PLA2G4A: variants seen among roughly 807,000 people sequenced by gnomAD.
PLA2G4A encodes phospholipase A2 group IVA.
PLA2G4A carries 40 observed loss-of-function variants against 81.9 expected under a neutral mutation model. That is an observed-to-expected ratio of 0.49 (90% confidence interval 0.38 to 0.64). The LOEUF (loss-of-function observed/expected upper bound fraction) is 0.64. Ranked by LOEUF, PLA2G4A falls within the 30% of genes least tolerant of loss-of-function variation. PLA2G4A has a pLI of 0.00. For synonymous variants in PLA2G4A, 302 were observed against 296.9 expected (o/e 1.02, Z -0.18); for missense variants, 715 against 905.1 (o/e 0.79, Z 2.69).
intron 7 of PLA2G4A, among the ~76,000 whole-genome samples, chr1:186,920,426 C>T (rs1655306858): frequency 6.6e-6 from 1 of 152,218 alleles, no homozygotes; most frequent in African/African-American, 2.4e-5. Context: ...GGGGTGGTCA[C>T]TACTGAATGT....
At chr1:186,962,648 G>A (rs1313172814) in intron 14 of PLA2G4A, among the ~76,000 whole-genome samples, 3 of 152,196 alleles carry the variant, frequency 2.0e-5, no homozygotes, top group East Asian at 3.9e-4. Context: ...CAGCCTCAGA[G>A]TAGCTGGGAC....
chr1:186,892,652 T>C (rs1210270079), intron 3 of PLA2G4A, among the ~76,000 whole-genome samples: 2 of 152,182 alleles, frequency 1.3e-5, no homozygotes, highest in Non-Finnish European at 2.9e-5. Flanking sequence ...CTTGTCACTA[T>C]CACAGTCCTG....
At chr1:186,921,817 A>G (rs1171066668) in intron 7 of PLA2G4A, among the ~76,000 whole-genome samples, 2 of 151,992 alleles carry the variant, frequency 1.3e-5, no homozygotes, top group Non-Finnish European at 1.5e-5. Context: ...TCCCTTTGCT[A>G]CTAGTACTGC....
chr1:186,938,968 G>A (rs764872489), intron 8 of PLA2G4A, 40 bp from the exon 9 acceptor site: 2 of 1,027,398 alleles, frequency 1.9e-6, no homozygotes, highest in Admixed American at 1.7e-5. Context: ...GTTGTGTAAT[G>A]CTCTTTATCT....
intron 13 of PLA2G4A, 23 bp downstream of exon 13, chr1:186,950,751 T>G (rs1452095636): frequency 7.3e-7 from 1 of 1,370,928 alleles, no homozygotes. Flanking sequence ...GAAACTTTTC[T>G]GGCCCAGATC....
intron 1 of PLA2G4A, among the ~76,000 whole-genome samples, chr1:186,849,227 A>G (rs574717637): frequency 2.6e-5 from 4 of 152,136 alleles, no homozygotes; most frequent in Non-Finnish European, 4.4e-5. Context: ...TGAACCTACT[A>G]TATTTGGGCC....
intron 7 of PLA2G4A, among the ~76,000 whole-genome samples, chr1:186,929,394 C>G (rs2102196221): frequency 6.6e-6 from 1 of 152,320 alleles, no homozygotes; most frequent in African/African-American, 2.4e-5. Context: ...CTTGACACAT[C>G]TAATTTCCCA....
intron 16 of PLA2G4A, among the ~76,000 whole-genome samples, chr1:186,978,275 A>T (rs922764566): frequency 6.6e-6 from 1 of 152,062 alleles, no homozygotes; most frequent in African/African-American, 2.4e-5. Context: ...GTTTTGTTTT[A>T]TTTTTTTAAC....
chr1:186,967,811 G>A (rs1461015595), intron 15 of PLA2G4A, among the ~76,000 whole-genome samples: 1 of 152,048 alleles, frequency 6.6e-6, no homozygotes, highest in Non-Finnish European at 1.5e-5. Context: ...TAAGGAGAGA[G>A]TTTAAGACAG....
At chr1:186,886,364 T>C (rs990978686) in intron 3 of PLA2G4A, among the ~76,000 whole-genome samples, 1 of 152,046 alleles carries the variant, frequency 6.6e-6, no homozygotes, top group African/African-American at 2.4e-5. Flanking sequence ...TAATGCTGGG[T>C]CTATTGGTTA....
intron 1 of PLA2G4A, among the ~76,000 whole-genome samples, chr1:186,830,997 T>G (rs1466503234): frequency 4.2e-5 from 6 of 141,390 alleles, no homozygotes; most frequent in African/African-American, 1.0e-4. Context: ...TTTCTTTCTT[T>G]CTTTCTTTCT....
At chr1:186,888,305 T>C (rs1056020995) in intron 3 of PLA2G4A, among the ~76,000 whole-genome samples, 1 of 152,174 alleles carries the variant, frequency 6.6e-6, no homozygotes, top group Non-Finnish European at 1.5e-5. Flanking sequence ...ATATGACCCA[T>C]TGAGAATCTA....
At chr1:186,973,680 T>C (rs554508819) in intron 15 of PLA2G4A, among the ~76,000 whole-genome samples, 1 of 152,350 alleles carries the variant, frequency 6.6e-6, no homozygotes, top group Admixed American at 6.5e-5. Flanking sequence ...TAAAAAGTGC[T>C]CTGTAAACTC....
At chr1:186,887,503 C>G (rs1274766839) in intron 3 of PLA2G4A, among the ~76,000 whole-genome samples, 1 of 152,074 alleles carries the variant, frequency 6.6e-6, no homozygotes, top group Non-Finnish European at 1.5e-5. Flanking sequence ...GAAAAAAGAT[C>G]TGTATTCCAC....
At position 186,893,360 on chromosome 1, in the gene PLA2G4A, A is replaced by G. The variant is rs528207948; in HGVS notation, c.264+201A>G. Among the ~76,000 whole-genome samples the G allele has an allele frequency of 7.1e-4, 108 of 152,284 alleles. 1 individual carries two copies. Among genetic ancestry groups the G allele is most frequent in the Non-Finnish European group, 2.9e-4 (20 of 68,022 alleles). ...CATACAGGAGTTAGGTAGGGTTGGG[A>G]AAACTGCTGTCCTCCCCACGTGCTT... On this transcript the variant is annotated intron_variant, in intron 4 of 17. Transcript: ENST00000367466.
intron 13 of PLA2G4A, among the ~76,000 whole-genome samples, chr1:186,952,814 C>A (rs1300831891): frequency 6.9e-6 from 1 of 144,806 alleles, no homozygotes; most frequent in Non-Finnish European, 1.5e-5. Context: ...AATAATGTAG[C>A]CTTTTCAGAT....
intron 7 of PLA2G4A, among the ~76,000 whole-genome samples, chr1:186,924,147 G>A (rs916420045): frequency 7.9e-5 from 12 of 152,080 alleles, no homozygotes; most frequent in African/African-American, 2.4e-4. Context: ...TATTGTCAAC[G>A]TCTACCTCCG....
chr1:186,859,125 G>T (rs1284208965), intron 2 of PLA2G4A, among the ~76,000 whole-genome samples: 1 of 152,104 alleles, frequency 6.6e-6, no homozygotes. Context: ...AGCTTTGGTT[G>T]CCTCAAGGCC....
At chr1:186,987,582 T>G (rs1657930430) in intron 17 of PLA2G4A, among the ~76,000 whole-genome samples, 1 of 152,168 alleles carries the variant, frequency 6.6e-6, no homozygotes, top group Admixed American at 6.5e-5. Context: ...GAGACAAGAT[T>G]TACTATTCAG....
Sources: gnomAD v4.1 joint callset for allele counts (sites outside exome capture counted in the v4.1 genomes callset) on GRCh38, gnomAD v4.1.1 for gene constraint, MANE v1.5 for transcripts, NCBI Gene and HGNC (gene_info 2026-07-23, HGNC 2026-07-21) for gene names.